Variants in SYNPO observed in about 807,000 individuals in gnomAD.
SYNPO encodes synaptopodin.
In SYNPO, 19 loss-of-function variants were observed where a neutral mutation model predicts 49.5. The ratio of observed to expected loss-of-function variants is 0.38; its 90% CI spans 0.27 to 0.56. SYNPO has a LOEUF of 0.56. SYNPO is among the 20% of genes least tolerant of loss of function. The pLI is 0.68. For synonymous variants in SYNPO, 536 were observed against 548.0 expected (o/e 0.98, Z 0.31); for missense variants, 1,131 against 1,248.3 (o/e 0.91, Z 1.42).
chr5:150,618,705 C>T (rs1165666669), exon 2 of SYNPO: 2 of 1,549,694 alleles, frequency 1.3e-6, no homozygotes, highest in South Asian at 1.2e-5. Flanking sequence ...GTAGTGAAGG[C>T]CGGGCAGATG....
In SYNPO at chr5:150,657,876, T is replaced by C. The variant is rs1758633395; in HGVS notation, c.*789T>C. On this transcript the variant is annotated 3_prime_UTR_variant, in exon 3 of 3. Coordinates refer to ENST00000307662, the MANE Select transcript of SYNPO (RefSeq NM_007286.6). Reference sequence around the variant, plus strand: ...GTCCAGGACATCTTATCTGCAGCCATAAGAGAATTATAAGGCAGTGATTTC... The same window carrying C: ...GTCCAGGACATCTTATCTGCAGCCACAAGAGAATTATAAGGCAGTGATTTC... 1 of 152,348 alleles carries C rather than the reference T, an allele frequency of 6.6e-6. No individual in the cohort carries two copies. Among genetic ancestry groups the C allele is most frequent in the Admixed American group, 6.5e-5 (1 of 15,284 alleles). The allele number at this position is 152,348 out of a possible 1,614,324, so 9.4% of individuals were successfully genotyped here.
In SYNPO at chr5:150,656,632, C is replaced by T. The variant is rs1477932436; in HGVS notation, c.2257C>T (p.Leu753=). Reference sequence around the variant, plus strand: ...CGAGGCGCGGCCCCCCAGCCGCCAGCTGCAGGCGCTTCTGGCGCGAAACAT... The same window carrying T: ...CGAGGCGCGGCCCCCCAGCCGCCAGTTGCAGGCGCTTCTGGCGCGAAACAT... ...ETEARPPSRQ[L]QALLARNIIN... The change falls in exon 3 of 3, where the codon CTG becomes TTG. Residue 753 remains leucine, a synonymous_variant. Transcript: ENST00000307662. The T allele has an allele frequency of 6.6e-7, 1 of 1,509,658 alleles. No homozygotes were observed. Among genetic ancestry groups the T allele is most frequent in the South Asian group, 1.2e-5 (1 of 81,308 alleles). The allele number at this position is 1,509,658 out of a possible 1,614,324, so 93.5% of individuals were successfully genotyped here.
intron 2 of SYNPO, among the ~76,000 whole-genome samples, chr5:150,654,592 T>C (rs576117816): frequency 4.6e-5 from 7 of 152,318 alleles, no homozygotes; most frequent in Non-Finnish European, 8.8e-5. Flanking sequence ...CAGTGCTTCA[T>C]AGCCTCCAAG....
chr5:150,635,422 G>A (rs949651276), intron 2 of SYNPO, among the ~76,000 whole-genome samples: 1 of 152,236 alleles, frequency 6.6e-6, no homozygotes, highest in African/African-American at 2.4e-5. Flanking sequence ...GGAAATGGTT[G>A]CAATGCAGAG....
In SYNPO at chr5:150,645,545, A is replaced by G. The variant is rs576860237; in HGVS notation, c.-332-2399A>G. ...AAATGGTTGCCTATGGTGATCTTAT[A>G]GATTAATAGGGGACTGAACTCAGCC... On this transcript the variant is annotated intron_variant, in intron 1 of 2. Transcript: ENST00000307662. Among the ~76,000 whole-genome samples the G allele has an allele frequency of 2.0e-5, 3 of 152,380 alleles. No homozygotes were observed. In the Middle Eastern group the frequency reaches 0.01, roughly 518 times the overall value.
At chr5:150,638,699 G>A (rs1757796927), upstream of SYNPO, among the ~76,000 whole-genome samples, 1 of 152,232 alleles carries the variant, frequency 6.6e-6, no homozygotes, top group African/African-American at 2.4e-5. Flanking sequence ...GGGAAGAGTG[G>A]AGGGGACCCG....
At chr5:150,626,151 C>T (rs1004498011) in intron 2 of SYNPO, among the ~76,000 whole-genome samples, 1 of 152,182 alleles carries the variant, frequency 6.6e-6, no homozygotes, top group Admixed American at 6.5e-5. Flanking sequence ...TGCCTTGTCA[C>T]CAAGCCCAGG....
At chr5:150,624,679 ACCCGCCCG>A (rs906343935) in intron 2 of SYNPO, 4 of 249,804 alleles carry the variant, frequency 1.6e-5, no homozygotes, top group Non-Finnish European at 2.5e-5. Context: ...AGCACGGCTC[ACCCGCCCG>A]CCCGCCCGCC....
chr5:150,644,152 G>C (rs1350451141), intron 1 of SYNPO, among the ~76,000 whole-genome samples: 1 of 144,080 alleles, frequency 6.9e-6, no homozygotes, highest in East Asian at 2.1e-4. Flanking sequence ...TCCAGCGACA[G>C]AGCAAGACCC....
chr5:150,639,130 G>T (rs973411774), upstream of SYNPO, among the ~76,000 whole-genome samples: 4 of 152,254 alleles, frequency 2.6e-5, no homozygotes, highest in Non-Finnish European at 5.9e-5. Flanking sequence ...GTGGCTCCTG[G>T]CCTTTGGCAG....
At chr5:150,588,654 G>A in the SYNPO span, among the ~76,000 whole-genome samples, 695 of 152,138 alleles carry the variant, frequency 4.6e-3, 4 homozygotes, top group African/African-American at 0.016. Flanking sequence ...GGTTAGGGGT[G>A]GGGTGCAGGA....
At position 150,648,284 on chromosome 5, in the gene SYNPO, G is replaced by A; in HGVS notation, c.9G>A (p.Gly3=). The change falls in exon 2 of 3, where the codon GGG becomes GGA. Residue 3 remains glycine, a synonymous_variant. Transcript: ENST00000307662. This position sits in a 1 kb window ranked among gnomAD's most constrained non-coding sequence, Gnocchi z 5.0. ...GGGTCCCTGGCCACAGCATGGAGGGGTACTCAGAGGAGGCTAGCTTGCTGC... is the reference window on the plus strand; with the variant it reads ...GGGTCCCTGGCCACAGCATGGAGGGATACTCAGAGGAGGCTAGCTTGCTGC... The part of the protein sequence containing the change: ME[G]YSEEASLLRH... 1.9e-6 allele frequency: 3 copies of A among 1,614,218 alleles called. No individual in the cohort carries two copies. Among genetic ancestry groups the A allele is most frequent in the Non-Finnish European group, 2.5e-6 (3 of 1,180,036 alleles).
chr5:150,620,764 G>C (rs1333394268), intron 2 of SYNPO, among the ~76,000 whole-genome samples: 1 of 152,138 alleles, frequency 6.6e-6, no homozygotes, highest in Non-Finnish European at 1.5e-5. Context: ...CCATTTTACA[G>C]GTGAGGCAAC....
chr5:150,629,341 G>A (rs1757465193), intron 2 of SYNPO, among the ~76,000 whole-genome samples: 2 of 152,190 alleles, frequency 1.3e-5, no homozygotes, highest in Non-Finnish European at 2.9e-5. Flanking sequence ...AAGCACAGCG[G>A]AAAATGCCTG....
chr5:150,654,384 T>A (rs1381812888), intron 2 of SYNPO, among the ~76,000 whole-genome samples: 1 of 138,678 alleles, frequency 7.2e-6, no homozygotes, highest in Non-Finnish European at 1.6e-5. Flanking sequence ...ACACACACAC[T>A]TCCTGGTGGG....
chr5:150,620,442 A>G (rs890923746), intron 2 of SYNPO, among the ~76,000 whole-genome samples: 1 of 152,208 alleles, frequency 6.6e-6, no homozygotes, highest in Admixed American at 6.5e-5. Flanking sequence ...TTTTCATTAT[A>G]CAGATGAGAA....
intron 1 of SYNPO, among the ~76,000 whole-genome samples, chr5:150,647,183 C>A (rs1160083955): frequency 6.6e-6 from 1 of 150,476 alleles, no homozygotes; most frequent in Non-Finnish European, 1.5e-5. Flanking sequence ...GCGGAGGTTG[C>A]AGTGAGCCGA....
intron 2 of SYNPO, among the ~76,000 whole-genome samples, chr5:150,654,730 G>A (rs1758499255): frequency 6.6e-6 from 1 of 152,210 alleles, no homozygotes; most frequent in Non-Finnish European, 1.5e-5. Context: ...TCTGTCAGGG[G>A]CATCTTCCTC....
chr5:150,599,304 G>A (rs1331217908), upstream of SYNPO, among the ~76,000 whole-genome samples: 3 of 152,246 alleles, frequency 2.0e-5, no homozygotes, highest in Non-Finnish European at 4.4e-5. Context: ...GGCATGGTGA[G>A]GCCAAGAACC....
Sources: allele counts gnomAD v4.1 joint callset (sites outside exome capture counted in the v4.1 genomes callset), GRCh38; gene constraint gnomAD v4.1.1; non-coding constraint Gnocchi (gnomAD v3.1); transcripts MANE v1.5; gene names NCBI Gene and HGNC (gene_info 2026-07-23, HGNC 2026-07-21).